NALF1: variants seen among roughly 807,000 people sequenced by gnomAD.
NALF1 encodes NALCN channel auxiliary factor 1, also known as family with sequence similarity 155 member A.
Under a neutral mutation model 48.4 loss-of-function variants are expected in NALF1, and 3 were observed. That is an observed-to-expected ratio of 0.06 (90% confidence interval 0.03 to 0.16). The LOEUF is 0.16. Ranked by LOEUF, NALF1 falls within the 10% of genes least tolerant of loss-of-function variation. NALF1 has a pLI of 1.00. For missense variants in NALF1, 526 were observed against 571.5 expected, an observed-to-expected ratio of 0.92 and a Z score of 0.81; for synonymous variants, 262 against 245.7, an observed-to-expected ratio of 1.07 and a Z score of -0.62.
intron 1 of NALF1, among the ~76,000 whole-genome samples, chr13:107,557,063 G>C (rs1303291272): frequency 4.6e-5 from 7 of 152,082 alleles, no homozygotes; most frequent in African/African-American, 1.4e-4. Context: ...CAAAATAGCA[G>C]AGCAGTTTAA....
intron 1 of NALF1, among the ~76,000 whole-genome samples, chr13:107,755,368 C>A (rs778364191): frequency 6.6e-6 from 1 of 151,896 alleles, no homozygotes; most frequent in Non-Finnish European, 1.5e-5. Context: ...GTGTCCTTAC[C>A]TTTGCTCACA....
At chr13:107,191,833 A>ATTTTTTTTTTTTTTT (rs66566638) in intron 2 of NALF1, among the ~76,000 whole-genome samples, 23 of 112,220 alleles carry the variant, frequency 2.0e-4, no homozygotes, top group African/African-American at 4.6e-4. Flanking sequence ...CACTATGCCT[A>ATTTTTTTTTTTTTTT]TTTTTTTTTT....
intron 1 of NALF1, among the ~76,000 whole-genome samples, chr13:107,819,223 C>T (rs1317855902): frequency 6.6e-6 from 1 of 152,098 alleles, no homozygotes; most frequent in Non-Finnish European, 1.5e-5. Flanking sequence ...ATTGAATAAG[C>T]CTTTTTCATT....
intron 1 of NALF1, among the ~76,000 whole-genome samples, chr13:107,493,146 T>C (rs1875202460): frequency 6.6e-6 from 1 of 152,150 alleles, no homozygotes; most frequent in Non-Finnish European, 1.5e-5. Flanking sequence ...ATACATTTTA[T>C]GTGTGAGGAA....
At chr13:107,298,174 C>A (rs925187233) in intron 1 of NALF1, among the ~76,000 whole-genome samples, 1 of 151,078 alleles carries the variant, frequency 6.6e-6, no homozygotes, top group East Asian at 2.0e-4. Context: ...ATGGTGAAAC[C>A]CCGTCTCTAA....
chr13:107,744,453 T>C (rs943511353), intron 1 of NALF1, among the ~76,000 whole-genome samples: 1 of 152,196 alleles, frequency 6.6e-6, no homozygotes, highest in Non-Finnish European at 1.5e-5. Context: ...GGTATTAATA[T>C]ATTAAAATAA....
At chr13:107,234,221 A>G (rs1880289690) in intron 1 of NALF1, among the ~76,000 whole-genome samples, 1 of 152,130 alleles carries the variant, frequency 6.6e-6, no homozygotes, top group African/African-American at 2.4e-5. Context: ...TTTCCTTCCT[A>G]TATTTTTAAA....
intron 2 of NALF1, among the ~76,000 whole-genome samples, chr13:107,208,358 T>C (rs993221255): frequency 1.3e-5 from 2 of 152,168 alleles, no homozygotes; most frequent in African/African-American, 4.8e-5. Context: ...GAAGCTGTTT[T>C]TACCAAACTC....
chr13:107,427,827 C>T (rs1338993236), intron 1 of NALF1, among the ~76,000 whole-genome samples: 1 of 152,026 alleles, frequency 6.6e-6, no homozygotes, highest in Non-Finnish European at 1.5e-5. Flanking sequence ...AAATATGAAG[C>T]CTCCATCTAA....
At chr13:107,599,978 A>T (rs1878877378) in intron 1 of NALF1, among the ~76,000 whole-genome samples, 1 of 152,326 alleles carries the variant, frequency 6.6e-6, no homozygotes, top group East Asian at 1.9e-4. Flanking sequence ...TAATGTTATT[A>T]TTACTTGAAT....
chr13:107,626,917 T>C (rs1313401695), intron 1 of NALF1, among the ~76,000 whole-genome samples: 5 of 152,100 alleles, frequency 3.3e-5, no homozygotes, highest in Non-Finnish European at 5.9e-5. Context: ...TTAAGGAACA[T>C]TTTTATATCT....
At chr13:107,569,185 C>T (rs1877905145) in intron 1 of NALF1, among the ~76,000 whole-genome samples, 1 of 152,098 alleles carries the variant, frequency 6.6e-6, no homozygotes, top group Admixed American at 6.6e-5. Context: ...AGTGCTACCC[C>T]ACAGCCAGGC....
chr13:107,826,001 A>C (rs570353118), intron 1 of NALF1, among the ~76,000 whole-genome samples: 164 of 152,262 alleles, frequency 1.1e-3, no homozygotes, highest in African/African-American at 3.9e-3. Flanking sequence ...GGCTGGCCTC[A>C]ATCTCTTGAC....
At chr13:107,680,406 A>ATAAG (rs1555317588) in intron 1 of NALF1, among the ~76,000 whole-genome samples, 1 of 151,574 alleles carries the variant, frequency 6.6e-6, no homozygotes, top group East Asian at 1.9e-4. Context: ...TCATACGTGT[A>ATAAG]TGAGTGTGTG....
intron 1 of NALF1, among the ~76,000 whole-genome samples, chr13:107,737,746 T>A (rs963929437): frequency 1.3e-5 from 2 of 152,154 alleles, no homozygotes; most frequent in African/African-American, 4.8e-5. Flanking sequence ...TAGGAGCATA[T>A]CAGTTAGCTA....
chr13:107,321,940 C>T (rs151336011), intron 1 of NALF1, among the ~76,000 whole-genome samples: 156 of 152,208 alleles, frequency 1.0e-3, no homozygotes, highest in African/African-American at 3.6e-3. Context: ...TTCCTCTCTT[C>T]TCTATTAATG....
chr13:107,325,742 G>A (rs766769892), intron 1 of NALF1, among the ~76,000 whole-genome samples: 1 of 150,570 alleles, frequency 6.6e-6, no homozygotes, highest in African/African-American at 2.4e-5. Flanking sequence ...TGGGGGCGCT[G>A]AGGTAGGAGG....
At chr13:107,502,049 T>C (rs981295289) in intron 1 of NALF1, among the ~76,000 whole-genome samples, 6 of 152,156 alleles carry the variant, frequency 3.9e-5, no homozygotes, top group Non-Finnish European at 7.4e-5. Context: ...GAACAATCTA[T>C]ATTTATTGCT....
rs1383115042 is a variant in NALF1 at position 107,771,366 on chromosome 13, ATACT to A, written c.915+94312_915+94315del. ...TATAATTATCATCATAATACATAAC[ATACT>A]TAATGGCTATCAACTGGATTGCATG... is the stretch of plus-strand genomic sequence containing the variant. On this transcript the variant is annotated intron_variant, in intron 1 of 2. Transcript: ENST00000375915. 4.6e-5 allele frequency among the ~76,000 whole-genome samples: 7 copies of A among 152,088 alleles called. No individual in the cohort carries two copies. In the East Asian group the frequency reaches 1.4e-3, roughly 29 times the overall value.
Sources: allele counts gnomAD v4.1 joint callset (sites outside exome capture counted in the v4.1 genomes callset), GRCh38; gene constraint gnomAD v4.1.1; transcripts MANE v1.5; gene names NCBI Gene and HGNC (gene_info 2026-07-23, HGNC 2026-07-21).